The following BICRAL variants were observed in gnomAD, a reference collection of about 807,000 sequenced individuals.
The protein encoded by BICRAL is BRD4-interacting chromatin-remodeling complex-associated protein-like.
Under a neutral mutation model 91.8 loss-of-function variants are expected in BICRAL, and 8 were observed. The observed-to-expected ratio is 0.09, with a 90% CI of 0.05 to 0.16. The LOEUF (loss-of-function observed/expected upper bound fraction) is 0.16. Among genes scored for constraint, BICRAL ranks in the 10% least tolerant of loss-of-function variants. The pLI is 1.00. For synonymous variants in BICRAL, 445 were observed against 491.1 expected, an observed-to-expected ratio of 0.91 and a Z score of 1.24; for missense variants, 1,038 against 1,310.9, an observed-to-expected ratio of 0.79 and a Z score of 3.21.
At chr6:42,849,341 C>G (rs1174300662) in intron 6 of BICRAL, among the ~76,000 whole-genome samples, 1 of 152,174 alleles carries the variant, frequency 6.6e-6, no homozygotes, top group African/African-American at 2.4e-5. Flanking sequence ...CCACCTCAGC[C>G]TCCCAAAGTG....
chr6:42,834,143 G>A (rs541381916), intron 6 of BICRAL, among the ~76,000 whole-genome samples: 1 of 152,280 alleles, frequency 6.6e-6, no homozygotes, highest in African/African-American at 2.4e-5. Flanking sequence ...GAGCCATGGC[G>A]CCCAGCAAAA....
chr6:42,814,499 G>GTGTATATATATATA (rs374054837), intron 2 of BICRAL, among the ~76,000 whole-genome samples: 4 of 61,270 alleles, frequency 6.5e-5, no homozygotes, highest in East Asian at 5.0e-4. Flanking sequence ...GTGTGTGTGT[G>GTGTATATATATATA]TATATATATA....
At chr6:42,791,930 T>A (rs1422623611) in intron 1 of BICRAL, among the ~76,000 whole-genome samples, 1 of 152,204 alleles carries the variant, frequency 6.6e-6, no homozygotes, top group Non-Finnish European at 1.5e-5. Context: ...ATATAGCCTA[T>A]TCCTCCTGTA....
intron 2 of BICRAL, among the ~76,000 whole-genome samples, chr6:42,818,326 A>G (rs995821842): frequency 4.6e-5 from 7 of 152,190 alleles, no homozygotes; most frequent in Non-Finnish European, 8.8e-5. Context: ...TAAACTGATT[A>G]AATCTTTGAT....
At chr6:42,855,778 G>T in intron 8 of BICRAL, 78 bp from the exon 9 acceptor site, 2 of 1,113,706 alleles carry the variant, frequency 1.8e-6, no homozygotes, top group South Asian at 2.6e-5. Flanking sequence ...GAAAATATGT[G>T]AACTATAGTG....
At chr6:42,828,022 T>C (rs1237411579) in intron 5 of BICRAL, among the ~76,000 whole-genome samples, 2 of 152,228 alleles carry the variant, frequency 1.3e-5, no homozygotes, top group Non-Finnish European at 2.9e-5. Flanking sequence ...ATACTTATAA[T>C]GTCAAGCATC....
intron 1 of BICRAL, among the ~76,000 whole-genome samples, chr6:42,755,949 C>T (rs372428874): frequency 2.6e-5 from 4 of 152,218 alleles, no homozygotes; most frequent in African/African-American, 9.6e-5. Context: ...GTTAGGATTA[C>T]AGGCGTGAGC....
intron 1 of BICRAL, among the ~76,000 whole-genome samples, chr6:42,763,910 A>T (rs1261011371): frequency 6.7e-5 from 5 of 74,566 alleles, no homozygotes; most frequent in Admixed American, 2.8e-4. Context: ...TTAGTGCATT[A>T]AAAAAAAAAA....
upstream of BICRAL, among the ~76,000 whole-genome samples, chr6:42,778,859 C>T (rs1040381352): frequency 2.0e-5 from 3 of 151,978 alleles, no homozygotes; most frequent in African/African-American, 7.3e-5. Flanking sequence ...GCTCTGTCGC[C>T]CAGGCTGGAG....
chr6:42,800,148 T>A (rs957804354), intron 1 of BICRAL, among the ~76,000 whole-genome samples: 1 of 152,122 alleles, frequency 6.6e-6, no homozygotes, highest in Admixed American at 6.6e-5. Flanking sequence ...GACTGCAACC[T>A]CTGTCTTCCA....
intron 1 of BICRAL, among the ~76,000 whole-genome samples, chr6:42,795,050 C>T (rs1007468248): frequency 2.0e-5 from 3 of 151,192 alleles, no homozygotes; most frequent in East Asian, 3.9e-4. Flanking sequence ...TACGCATGAA[C>T]GACAGTCAAG....
intron 1 of BICRAL, among the ~76,000 whole-genome samples, chr6:42,807,989 A>G (rs1299191268): frequency 2.0e-5 from 3 of 152,150 alleles, no homozygotes; most frequent in African/African-American, 7.2e-5. Context: ...TTGGGAGCAC[A>G]GTCTCCATAC....
At chr6:42,752,031 A>G (rs905455264) in intron 1 of BICRAL, among the ~76,000 whole-genome samples, 1 of 152,170 alleles carries the variant, frequency 6.6e-6, no homozygotes, top group African/African-American at 2.4e-5. Context: ...TTGACTATAT[A>G]TGGGATGTAA....
chr6:42,855,764 A>G lies in BICRAL; in HGVS notation c.2047-92A>G, dbSNP rs1012307065. 9 of 929,140 alleles carry G rather than the reference A, an allele frequency of 9.7e-6. No individual in the cohort carries two copies. The African/African-American group carries it at 1.5e-4, about 15-fold the overall frequency. 57.6% of individuals were successfully genotyped at this position (929,140 alleles called of 1,614,324 possible). A position where few individuals can be genotyped will look rare whatever the true frequency, so the allele number is the denominator to read the frequency against. ...GTCTTAGAATATGTTCTTGATAGGT[A>G]GTTGAAAATATGTGAACTATAGTGA... On this transcript the variant is annotated intron_variant, in intron 8 of 12. Transcript: ENST00000314073.
intron 1 of BICRAL, among the ~76,000 whole-genome samples, chr6:42,766,585 G>A (rs1216416907): frequency 6.6e-6 from 1 of 152,052 alleles, no homozygotes; most frequent in African/African-American, 2.4e-5. Flanking sequence ...GGTCACGCCT[G>A]TAATAGCACT....
intron 2 of BICRAL, among the ~76,000 whole-genome samples, chr6:42,815,992 A>G (rs919360936): frequency 2.1e-4 from 30 of 145,998 alleles, no homozygotes; most frequent in Non-Finnish European, 4.0e-4. Context: ...CTCAAAAAAA[A>G]AAAAAAAAAA....
intron 8 of BICRAL, 103 bp from the exon 9 acceptor site, chr6:42,855,753 T>C: frequency 3.4e-6 from 3 of 891,648 alleles, no homozygotes; most frequent in Non-Finnish European, 3.7e-6. Context: ...TAGAATATGT[T>C]CTTGATAGGT....
intron 1 of BICRAL, among the ~76,000 whole-genome samples, chr6:42,808,061 A>C (rs910859483): frequency 6.6e-6 from 1 of 151,168 alleles, no homozygotes; most frequent in South Asian, 2.1e-4. Context: ...ATACCCACTT[A>C]TGTGCTATTT....
At chr6:42,773,857 A>T (rs965811444) in intron 1 of BICRAL, among the ~76,000 whole-genome samples, 2 of 152,132 alleles carry the variant, frequency 1.3e-5, no homozygotes, top group Non-Finnish European at 2.9e-5. Flanking sequence ...TGCAGCTTTG[A>T]CCTCCTGGGC....
Sources: allele counts gnomAD v4.1 joint callset (sites outside exome capture counted in the v4.1 genomes callset), GRCh38; gene constraint gnomAD v4.1.1; transcripts MANE v1.5; gene names NCBI Gene and HGNC (gene_info 2026-07-23, HGNC 2026-07-21).